The following TUBA1C variants were observed in gnomAD, a reference collection of about 807,000 sequenced individuals.
The protein encoded by TUBA1C is tubulin alpha 1c.
In TUBA1C, 16 loss-of-function variants were observed where a neutral mutation model predicts 34.9. The observed-to-expected ratio is 0.46, with a 90% CI of 0.31 to 0.70. The LOEUF (loss-of-function observed/expected upper bound fraction) is 0.70, where lower values mean the gene tolerates loss of function less well. TUBA1C is among the 30% of genes least tolerant of loss of function. The probability of loss-of-function intolerance (pLI) is 0.05; values close to 1 mark genes in which losing one functional copy is unlikely to be tolerated. For missense variants in TUBA1C, 329 were observed against 587.3 expected, an observed-to-expected ratio of 0.56 and a Z score of 4.55; for synonymous variants, 177 against 215.9, an observed-to-expected ratio of 0.82 and a Z score of 1.58.
At chr12:49,247,359 C>T (rs1219616527) in intron 1 of TUBA1C, among the ~76,000 whole-genome samples, 2 of 147,128 alleles carry the variant, frequency 1.4e-5, no homozygotes, top group Non-Finnish European at 3.1e-5. Flanking sequence ...GAGTTCAAGA[C>T]CAGCCTGACC....
intron 3 of TUBA1C, 56 bp downstream of exon 3, chr12:49,270,032 C>G: frequency 6.2e-7 from 1 of 1,614,004 alleles, no homozygotes; most frequent in South Asian, 1.1e-5. Context: ...AGTTCTGAGA[C>G]CAAACTACAG....
chr12:49,248,973 A>C (rs1462336503), intron 1 of TUBA1C, among the ~76,000 whole-genome samples: 1 of 152,176 alleles, frequency 6.6e-6, no homozygotes, highest in Non-Finnish European at 1.5e-5. Context: ...ACATAGGTCA[A>C]AAGCCACTTC....
At chr12:49,231,314 A>T (rs991163019) in intron 1 of TUBA1C, among the ~76,000 whole-genome samples, 8 of 152,088 alleles carry the variant, frequency 5.3e-5, no homozygotes, top group Non-Finnish European at 1.0e-4. Context: ...AACTACGGGC[A>T]TGCACCACCA....
At chr12:49,260,036 G>T (rs1440820395) in intron 1 of TUBA1C, among the ~76,000 whole-genome samples, 4 of 152,110 alleles carry the variant, frequency 2.6e-5, no homozygotes, top group Non-Finnish European at 4.4e-5. Flanking sequence ...TTCAGTACAT[G>T]AATAAATTTA....
rs1337498473 is a variant in TUBA1C at position 49,265,083 on chromosome 12, C to T, written c.-99C>T. 4.1e-6 allele frequency: 6 copies of T among 1,446,596 alleles called. No homozygotes were observed. Among genetic ancestry groups the T allele is most frequent in the African/African-American group, 1.4e-5 (1 of 70,232 alleles). 89.6% of individuals were successfully genotyped at this position (1,446,596 alleles called of 1,614,324 possible). A position where few individuals can be genotyped will look rare whatever the true frequency, so the allele number is the denominator to read the frequency against. On this transcript the variant is annotated 5_prime_UTR_variant, in exon 1 of 4. Coordinates refer to ENST00000301072, the MANE Select transcript of TUBA1C (RefSeq NM_032704.5). ...CCCTTCGGGGCCGGCCACCCTTTCA[C>T]TACTTCTCCCCCGGACTCCTTGGTA...
upstream of TUBA1C, chr12:49,264,813 TC>T: frequency 1.1e-5 from 1 of 92,666 alleles, no homozygotes; most frequent in African/African-American, 5.8e-5. Flanking sequence ...CTCCCCTTCC[TC>T]CCCTTCCTCC....
intron 3 of TUBA1C, 183 bp downstream of exon 3, chr12:49,270,159 G>GT: frequency 4.8e-6 from 6 of 1,249,008 alleles, no homozygotes; most frequent in Non-Finnish European, 5.7e-6. Context: ...CAACTATGGG[G>GT]TAGAAGTAAG....
intron 1 of TUBA1C, among the ~76,000 whole-genome samples, chr12:49,259,019 A>G (rs551305952): frequency 1.3e-5 from 2 of 152,220 alleles, no homozygotes; most frequent in South Asian, 4.1e-4. Context: ...TCGGCCTCCC[A>G]AAGTGCTGGG....
At chr12:49,234,465 G>C (rs894350945) in intron 1 of TUBA1C, among the ~76,000 whole-genome samples, 2 of 152,262 alleles carry the variant, frequency 1.3e-5, no homozygotes, top group Non-Finnish European at 2.9e-5. Context: ...GCAGAAAGGA[G>C]GCTGTGGTTG....
chr12:49,268,095 G>C (rs1028457306), intron 1 of TUBA1C, among the ~76,000 whole-genome samples: 4 of 148,702 alleles, frequency 2.7e-5, no homozygotes, highest in African/African-American at 7.5e-5. Flanking sequence ...CTATGAGAGA[G>C]AGACACACAC....
chr12:49,271,971 C>CTTTT (rs113867895), intron 3 of TUBA1C, among the ~76,000 whole-genome samples: 4 of 143,638 alleles, frequency 2.8e-5, no homozygotes, highest in African/African-American at 1.0e-4. Context: ...CACTTAAAAG[C>CTTTT]TTTTTTTTTT....
intron 3 of TUBA1C, 98 bp downstream of exon 3, chr12:49,270,074 T>A (rs1181560860): frequency 6.2e-7 from 1 of 1,605,996 alleles, no homozygotes; most frequent in East Asian, 2.2e-5. Context: ...ATGAGACTAT[T>A]TGCATTGCAA....
intron 1 of TUBA1C, among the ~76,000 whole-genome samples, chr12:49,241,176 A>T (rs1418887941): frequency 6.6e-6 from 1 of 152,150 alleles, no homozygotes; most frequent in Non-Finnish European, 1.5e-5. Flanking sequence ...TGCTAGGATT[A>T]CAGGCTTGAG....
At chr12:49,269,736 G>A (rs1164260019) in intron 2 of TUBA1C, 49 bp downstream of exon 2, 2 of 1,612,638 alleles carry the variant, frequency 1.2e-6, no homozygotes, top group African/African-American at 2.7e-5. Context: ...GCTGGGACAG[G>A]AGGTCTGTCC....
intron 1 of TUBA1C, among the ~76,000 whole-genome samples, chr12:49,250,482 C>T (rs1179350487): frequency 6.7e-6 from 1 of 149,770 alleles, no homozygotes; most frequent in Non-Finnish European, 1.5e-5. Context: ...CGAGATCGCG[C>T]CACTGCACTC....
intron 1 of TUBA1C, among the ~76,000 whole-genome samples, chr12:49,246,310 G>A (rs1471861121): frequency 6.6e-6 from 1 of 151,946 alleles, no homozygotes; most frequent in Non-Finnish European, 1.5e-5. Context: ...CCTGACCCTG[G>A]GGCAGCCTGC....
intron 1 of TUBA1C, 160 bp downstream of exon 1, chr12:49,265,344 G>A (rs973565085): frequency 3.9e-6 from 2 of 512,844 alleles, no homozygotes; most frequent in Non-Finnish European, 3.3e-6. Flanking sequence ...GGAAGGTCGA[G>A]TTCACTTGGC....
intron 1 of TUBA1C, 29 bp from the exon 2 acceptor site, chr12:49,269,436 C>G (rs1027418483): frequency 6.2e-7 from 1 of 1,613,624 alleles, no homozygotes; most frequent in Non-Finnish European, 8.5e-7. Context: ...TGTATTATAC[C>G]CTGACATTTT....
intron 1 of TUBA1C, among the ~76,000 whole-genome samples, chr12:49,246,966 T>G (rs990529138): frequency 7.1e-6 from 1 of 140,914 alleles, no homozygotes; most frequent in Non-Finnish European, 1.6e-5. Flanking sequence ...ATGGTGAAAC[T>G]CCATCTCTAC....
Sources: allele counts gnomAD v4.1 joint callset (sites outside exome capture counted in the v4.1 genomes callset), GRCh38; gene constraint gnomAD v4.1.1; transcripts MANE v1.5; gene names NCBI Gene and HGNC (gene_info 2026-07-23, HGNC 2026-07-21).